The following GABRA2 variants were observed in gnomAD, a reference collection of about 807,000 sequenced individuals.
The protein encoded by GABRA2 is gamma-aminobutyric acid type A receptor subunit alpha2.
In GABRA2, 16 loss-of-function variants were observed where a neutral mutation model predicts 48.7. The ratio of observed to expected loss-of-function variants is 0.33; its 90% CI spans 0.22 to 0.50. GABRA2 has a LOEUF of 0.50. Among genes scored for constraint, GABRA2 ranks in the 20% least tolerant of loss-of-function variants. The pLI, the probability that GABRA2 is intolerant of heterozygous loss-of-function variation, is 0.98. For synonymous variants in GABRA2, 185 were observed against 184.5 expected (o/e 1.00, Z -0.02); for missense variants, 275 against 535.6 (o/e 0.51, Z 4.80).
rs11503017 is a variant in GABRA2 at position 46,389,802 on chromosome 4, GGAGAGAGAGAGAGAGAGA to G, written c.-96_-79del. The G allele has an allele frequency of 6.7e-4, 182 of 270,304 alleles. 1 individual carries two copies. Among genetic ancestry groups the G allele is most frequent in the African/African-American group, 3.0e-3 (34 of 11,412 alleles). 16.7% of individuals were successfully genotyped at this position (270,304 alleles called of 1,614,324 possible). A position where few individuals can be genotyped will look rare whatever the true frequency, so the allele number is the denominator to read the frequency against. ...TGATCTTGACGAGATAGGAAACTTG[GGAGAGAGAGAGAGAGAGA>G]GAGAGAGAGAGAGAGAGAGAGAGAG... is the stretch of plus-strand genomic sequence containing the variant. On this transcript the variant is annotated 5_prime_UTR_variant, in exon 1 of 10. Transcript: ENST00000381620.
chr4:46,346,374 G>T (rs1472047853), intron 3 of GABRA2, among the ~76,000 whole-genome samples: 4 of 151,306 alleles, frequency 2.6e-5, no homozygotes, highest in Non-Finnish European at 5.9e-5. Context: ...GTCAACAAAG[G>T]GTCCATAAAG....
intron 8 of GABRA2, chr4:46,303,127 A>G: frequency 3.9e-6 from 1 of 253,918 alleles, no homozygotes; most frequent in East Asian, 1.1e-4. Context: ...TCATAGCAAC[A>G]ATAAAGAGCT....
At chr4:46,285,774 T>C (rs1336850687) in intron 8 of GABRA2, among the ~76,000 whole-genome samples, 1 of 152,066 alleles carries the variant, frequency 6.6e-6, no homozygotes, top group Non-Finnish European at 1.5e-5. Context: ...CTTGTTTTTT[T>C]TTAAGTCATC....
At chr4:46,302,350 A>G (rs279873) in intron 8 of GABRA2, among the ~76,000 whole-genome samples, 76,620 of 151,926 alleles carry the variant, frequency 0.5, 20,552 homozygotes, top group African/African-American at 0.69. Context: ...ATGAGGCATT[A>G]CACTAACCTC....
At chr4:46,356,701 A>G (rs1188599392) in intron 3 of GABRA2, among the ~76,000 whole-genome samples, 2 of 152,156 alleles carry the variant, frequency 1.3e-5, no homozygotes, top group Non-Finnish European at 2.9e-5. Flanking sequence ...GAGCAGAATG[A>G]ACAAGACATA....
At chr4:46,347,988 A>G (rs2109888756) in intron 3 of GABRA2, among the ~76,000 whole-genome samples, 1 of 152,222 alleles carries the variant, frequency 6.6e-6, no homozygotes, top group Admixed American at 6.5e-5. Context: ...TGAACAGGCA[A>G]CCTACGAAAT....
intron 6 of GABRA2, among the ~76,000 whole-genome samples, chr4:46,309,840 T>C (rs7654887): frequency 2.0e-5 from 3 of 152,026 alleles, no homozygotes; most frequent in Admixed American, 2.0e-4. Flanking sequence ...TCTTAGTTGA[T>C]GAAAAAGAAA....
intron 4 of GABRA2, among the ~76,000 whole-genome samples, chr4:46,313,036 G>T (rs1485785038): frequency 2.0e-5 from 3 of 151,572 alleles, no homozygotes; most frequent in Non-Finnish European, 4.4e-5. Flanking sequence ...TTGGAGAGGG[G>T]ATAAGCTTGA....
intron 3 of GABRA2, among the ~76,000 whole-genome samples, chr4:46,354,102 T>C (rs933781021): frequency 2.6e-5 from 4 of 152,200 alleles, no homozygotes; most frequent in African/African-American, 9.6e-5. Flanking sequence ...TTTGCACACA[T>C]TATTTTATTT....
At chr4:46,251,344 T>A (rs1257988761) in intron 9 of GABRA2, among the ~76,000 whole-genome samples, 2 of 151,598 alleles carry the variant, frequency 1.3e-5, no homozygotes, top group Admixed American at 6.6e-5. Flanking sequence ...ATTTAACTTC[T>A]ATGCTTACAT....
intron 7 of GABRA2, among the ~76,000 whole-genome samples, chr4:46,304,218 G>T (rs1176621302): frequency 6.6e-6 from 1 of 152,090 alleles, no homozygotes; most frequent in Admixed American, 6.5e-5. Flanking sequence ...GTTTTTGATT[G>T]TTCTAACTCA....
chr4:46,361,505 G>A (rs1229601001), intron 3 of GABRA2, among the ~76,000 whole-genome samples: 1 of 152,212 alleles, frequency 6.6e-6, no homozygotes, highest in Non-Finnish European at 1.5e-5. Flanking sequence ...AGATGTCCAG[G>A]CAGAAGTTTG....
intron 8 of GABRA2, among the ~76,000 whole-genome samples, chr4:46,284,920 AG>A (rs1331558594): frequency 6.6e-6 from 1 of 151,754 alleles, no homozygotes; most frequent in East Asian, 1.9e-4. Context: ...ATCTTTCATC[AG>A]GGAGAGGGTT....
At chr4:46,280,695 CAT>C (rs773116754) in intron 8 of GABRA2, among the ~76,000 whole-genome samples, 1 of 152,128 alleles carries the variant, frequency 6.6e-6, no homozygotes. Context: ...CCTCCAAATC[CAT>C]ATGTTAAAGT....
At chr4:46,268,471 AT>A (rs1445109188) in intron 8 of GABRA2, among the ~76,000 whole-genome samples, 3 of 151,960 alleles carry the variant, frequency 2.0e-5, no homozygotes, top group Admixed American at 6.6e-5. Flanking sequence ...ATTGGAGGAT[AT>A]CAATTAAAAC....
intron 8 of GABRA2, among the ~76,000 whole-genome samples, chr4:46,298,172 G>A (rs1489526454): frequency 6.6e-6 from 1 of 152,158 alleles, no homozygotes; most frequent in Non-Finnish European, 1.5e-5. Context: ...TCTAACAAAT[G>A]TTTCATGGTT....
chr4:46,283,466 C>A (rs112854041), intron 8 of GABRA2, among the ~76,000 whole-genome samples: 1,834 of 152,226 alleles, frequency 0.012, 42 homozygotes, highest in African/African-American at 0.042. Context: ...TGGACTTATT[C>A]CACATGGGAA....
rs1279747903 is a variant in GABRA2, at chr4:46,248,206, ACAAATAT to A, written c.*2095_*2101del. Among the ~76,000 whole-genome samples the A allele has an allele frequency of 1.3e-4, 20 of 151,404 alleles. No homozygotes were observed. Among genetic ancestry groups the A allele is most frequent in the Admixed American group, 2.6e-4 (4 of 15,118 alleles). Reference sequence around the variant, plus strand: ...AAGGGGGCAATGCGGACTTTACAAGACAAATATTCTTAAAGTATCTAATAATGCATAC... The same window carrying A: ...AAGGGGGCAATGCGGACTTTACAAGATCTTAAAGTATCTAATAATGCATAC... On this transcript the variant is annotated 3_prime_UTR_variant, in exon 10 of 10. Coordinates refer to ENST00000381620, the MANE Select transcript of GABRA2 (RefSeq NM_000807.4).
chr4:46,273,320 C>T (rs1000423545), intron 8 of GABRA2, among the ~76,000 whole-genome samples: 8 of 150,926 alleles, frequency 5.3e-5, no homozygotes, highest in Non-Finnish European at 1.0e-4. Flanking sequence ...AAGTTCTTGG[C>T]CATTATTACC....
Sources: gnomAD v4.1 joint callset for allele counts (sites outside exome capture counted in the v4.1 genomes callset) on GRCh38, gnomAD v4.1.1 for gene constraint, MANE v1.5 for transcripts, NCBI Gene and HGNC (gene_info 2026-07-23, HGNC 2026-07-21) for gene names.